Variants in DMD observed in about 807,000 individuals in gnomAD.
The protein encoded by DMD is mutant dystrophin.
DMD carries 63 observed loss-of-function variants against 330.1 expected under a neutral mutation model. That is an observed-to-expected ratio of 0.19 (90% CI 0.16 to 0.24). The LOEUF is 0.24. Ranked by LOEUF, DMD falls within the 10% of genes least tolerant of loss-of-function variation. The pLI is 1.00. For missense variants in DMD, 3,344 were observed against 2,684.1 expected (o/e 1.25, Z -5.43); for synonymous variants, 1,223 against 959.8 (o/e 1.27, Z -5.07).
chrX:32,253,348 TTCCACAA>T (rs1242971240), intron 43 of DMD, among the ~76,000 whole-genome samples: 1 of 110,938 alleles, frequency 9.0e-6, no homozygotes, highest in African/African-American at 3.3e-5. Flanking sequence ...GAAGTTTAAG[TTCCACAA>T]TTACTCGGTG....
intron 62 of DMD, among the ~76,000 whole-genome samples, chrX:31,321,306 T>C (rs2056394775): frequency 9.1e-6 from 1 of 110,227 alleles, no homozygotes; most frequent in African/African-American, 3.3e-5. Flanking sequence ...AAGGTTTGGC[T>C]GGGCATGGTG....
At chrX:33,162,118 A>C (rs1036698323) in intron 1 of DMD, among the ~76,000 whole-genome samples, 1 of 111,747 alleles carries the variant, frequency 8.9e-6, no homozygotes, top group Non-Finnish European at 1.9e-5. Flanking sequence ...CACCTGCTAG[A>C]TTTGTAGTCT....
At chrX:33,095,702 T>C (rs2095148463) in intron 1 of DMD, among the ~76,000 whole-genome samples, 1 of 111,471 alleles carries the variant, frequency 9.0e-6, no homozygotes, top group Non-Finnish European at 1.9e-5. Flanking sequence ...TTTCAGAAGT[T>C]TTGTCTTCTT....
intron 6 of DMD, among the ~76,000 whole-genome samples, chrX:32,811,864 T>A (rs973611184): frequency 3.9e-4 from 44 of 111,982 alleles, no homozygotes; most frequent in African/African-American, 1.4e-3. Flanking sequence ...AATGTATTGA[T>A]AATAGAATTC....
intron 7 of DMD, among the ~76,000 whole-genome samples, chrX:32,763,246 C>T (rs148086432): frequency 0.017 from 1,867 of 112,048 alleles, 47 homozygotes; most frequent in African/African-American, 0.056. Flanking sequence ...TTATTTAATA[C>T]AATCGTTATA....
At chrX:31,156,757 C>T (rs1337690370) in intron 74 of DMD, among the ~76,000 whole-genome samples, 3 of 111,961 alleles carry the variant, frequency 2.7e-5, no homozygotes, top group Non-Finnish European at 5.6e-5. Flanking sequence ...CTCAGATGTG[C>T]TAAAAACTTC....
In DMD at chrX:31,146,417, A is replaced by T. The variant is rs1416450294; in HGVS notation, c.10798-3T>A. 8.3e-7 allele frequency: 1 copy of T among 1,206,897 alleles called. No individual in the cohort carries two copies. Among genetic ancestry groups the T allele is most frequent in the African/African-American group, 1.7e-5 (1 of 57,277 alleles). ...TTCACTTTGGCCTCTGCCTGGGGCTAAGTCATCCAAAAGAAAACAGAATTA... is the reference window on the plus strand; with the variant it reads ...TTCACTTTGGCCTCTGCCTGGGGCTTAGTCATCCAAAAGAAAACAGAATTA... On this transcript the variant is annotated splice_polypyrimidine_tract_variant and splice_region_variant and intron_variant, in intron 75 of 78. Coordinates refer to ENST00000357033, the MANE Select transcript of DMD (RefSeq NM_004006.3).
intron 55 of DMD, among the ~76,000 whole-genome samples, chrX:31,609,412 A>T (rs1359501172): frequency 9.0e-6 from 1 of 111,516 alleles, no homozygotes; most frequent in Middle Eastern, 4.2e-3. Context: ...TCACATCATG[A>T]GATTTAGTCA....
intron 62 of DMD, among the ~76,000 whole-genome samples, chrX:31,289,624 T>A (rs1434251670): frequency 9.0e-6 from 1 of 110,616 alleles, no homozygotes; most frequent in African/African-American, 3.3e-5. Context: ...AAAATGCTGG[T>A]TTGAACCTGG....
intron 27 of DMD, among the ~76,000 whole-genome samples, chrX:32,445,055 G>A (rs1240859623): frequency 9.0e-6 from 1 of 111,628 alleles, no homozygotes; most frequent in East Asian, 2.8e-4. Flanking sequence ...CATCACTAAA[G>A]CATTGGTTAA....
At chrX:32,895,983 A>T (rs1334410054) in intron 2 of DMD, among the ~76,000 whole-genome samples, 1 of 111,027 alleles carries the variant, frequency 9.0e-6, no homozygotes, top group Non-Finnish European at 1.9e-5. Context: ...GGAACTAGTA[A>T]TGCTTATCTT....
chrX:33,258,775 A>T (rs1355817871), intron 1 of DMD, among the ~76,000 whole-genome samples: 1 of 111,058 alleles, frequency 9.0e-6, no homozygotes, highest in African/African-American at 3.3e-5. Flanking sequence ...CTGTAGGATC[A>T]TCTGCCGCTG....
chrX:33,101,788 A>G (rs1318725543), intron 1 of DMD, among the ~76,000 whole-genome samples: 1 of 112,486 alleles, frequency 8.9e-6, no homozygotes, highest in South Asian at 3.7e-4. Flanking sequence ...GGAAGTAAAT[A>G]ATATGGTAAA....
At position 32,276,163 on chromosome X, in the gene DMD, C is replaced by T. The variant is rs141541475; in HGVS notation, c.6290+11366G>A. ...GCTGGCCTCAGTCAGTGCCTGTGCA[C>T]GGAGGGAATATTTGAACTAGCCCCA... On this transcript the variant is annotated intron_variant, in intron 43 of 78. Transcript: ENST00000357033. 2.3e-3 allele frequency among the ~76,000 whole-genome samples: 257 copies of T among 112,204 alleles called. 1 individual carries two copies. Among genetic ancestry groups the T allele is most frequent in the Non-Finnish European group, 4.0e-3 (212 of 53,234 alleles).
intron 55 of DMD, among the ~76,000 whole-genome samples, chrX:31,537,211 C>T (rs985877138): frequency 9.0e-6 from 1 of 111,696 alleles, no homozygotes; most frequent in African/African-American, 3.3e-5. Context: ...TATTTGACAC[C>T]TCTAAATGTT....
At chrX:32,493,602 CTG>C (rs2148648191) in intron 19 of DMD, among the ~76,000 whole-genome samples, 1 of 111,473 alleles carries the variant, frequency 9.0e-6, no homozygotes, top group Non-Finnish European at 1.9e-5. Flanking sequence ...GATTAAGTAA[CTG>C]TTGTTATAAA....
chrX:32,763,513 T>C (rs1476832550), intron 7 of DMD, among the ~76,000 whole-genome samples: 2 of 111,778 alleles, frequency 1.8e-5, no homozygotes, highest in African/African-American at 6.5e-5. Flanking sequence ...CTTGTCAGCC[T>C]ATGAGAAATT....
intron 43 of DMD, among the ~76,000 whole-genome samples, chrX:32,228,873 A>G (rs1203716541): frequency 8.9e-6 from 1 of 111,746 alleles, no homozygotes; most frequent in Non-Finnish European, 1.9e-5. Context: ...TAGGAGCAAA[A>G]GCAACCACAA....
chrX:33,251,560 A>C (rs1417386010), intron 1 of DMD, among the ~76,000 whole-genome samples: 1 of 112,416 alleles, frequency 8.9e-6, no homozygotes, highest in Non-Finnish European at 1.9e-5. Flanking sequence ...TCCTTGCTAC[A>C]TGAAATAATT....
Sources: allele counts gnomAD v4.1 joint callset (sites outside exome capture counted in the v4.1 genomes callset), GRCh38; gene constraint gnomAD v4.1.1; transcripts MANE v1.5; gene names NCBI Gene and HGNC (gene_info 2026-07-23, HGNC 2026-07-21).